LCP2: variants seen among roughly 807,000 people sequenced by gnomAD.
LCP2 encodes lymphocyte cytosolic protein 2.
A neutral mutation model predicts 74.5 loss-of-function variants in LCP2; 29 were observed. The observed-to-expected ratio is 0.39, with a 90% CI of 0.29 to 0.53. LCP2 has a LOEUF of 0.53. Ranked by LOEUF, LCP2 falls within the 20% of genes least tolerant of loss-of-function variation. The pLI is 0.72. For synonymous variants in LCP2, 228 were observed against 229.5 expected (o/e 0.99, Z 0.06); for missense variants, 604 against 634.6 (o/e 0.95, Z 0.52).
intron 3 of LCP2, among the ~76,000 whole-genome samples, chr5:170,283,638 C>T (rs753039540): frequency 1.2e-4 from 19 of 152,286 alleles, no homozygotes; most frequent in Admixed American, 2.0e-4. Flanking sequence ...TTCACTAACA[C>T]TCTCTGGCTC....
intron 1 of LCP2, among the ~76,000 whole-genome samples, chr5:170,295,283 G>A (rs1220280548): frequency 2.6e-5 from 4 of 152,224 alleles, no homozygotes; most frequent in Non-Finnish European, 5.9e-5. Context: ...GAGACAAGAA[G>A]ACGCAAAGTC....
intron 3 of LCP2, among the ~76,000 whole-genome samples, chr5:170,276,355 C>T (rs1762007705): frequency 1.3e-5 from 2 of 152,200 alleles, no homozygotes; most frequent in Non-Finnish European, 2.9e-5. Flanking sequence ...TTTCTTATCA[C>T]AACCTCTAGT....
At chr5:170,259,414 G>A (rs1244365541) in intron 14 of LCP2, among the ~76,000 whole-genome samples, 1 of 152,128 alleles carries the variant, frequency 6.6e-6, no homozygotes, top group Non-Finnish European at 1.5e-5. Context: ...TTTATACGGT[G>A]GCTTACAAGG....
intron 3 of LCP2, among the ~76,000 whole-genome samples, chr5:170,286,598 T>C (rs1581074457): frequency 6.6e-6 from 1 of 152,212 alleles, no homozygotes; most frequent in East Asian, 1.9e-4. Context: ...TTAATTCAAA[T>C]TGAAGTAGCC....
intron 1 of LCP2, among the ~76,000 whole-genome samples, chr5:170,294,280 T>C (rs1367068006): frequency 2.6e-5 from 4 of 152,360 alleles, no homozygotes; most frequent in South Asian, 4.1e-4. Context: ...GATACTATTT[T>C]GCGAACTTTT....
At position 170,256,541 on chromosome 5, in the gene LCP2, G is replaced by A. The variant is rs1331180200; in HGVS notation, c.1135C>T (p.Pro379Ser). The A allele has an allele frequency of 6.2e-7, 1 of 1,613,316 alleles. No homozygotes were observed. Among genetic ancestry groups the A allele is most frequent in the South Asian group, 1.1e-5 (1 of 91,080 alleles). The change falls in exon 17 of 21, where the codon CCA (proline) becomes TCA (serine). Residue 379 changes from proline (P) to serine (S), a missense_variant. Pro to Ser is a moderately conservative substitution (Grantham distance 74). Transcript: ENST00000046794. This position sits in a 1 kb window ranked among gnomAD's most constrained non-coding sequence, Gnocchi z 4.5. ...GAGTACAAACCTTGAGAGAAGTATG[G>A]TGGCAGGGAGGCACTCTGTGGAAAA... ...SSFPQSASLP[P>S]YFSQGPSNRP...
At position 170,262,623 on chromosome 5, in the gene LCP2, C is replaced by T. The variant is rs775993946; in HGVS notation, c.926+12G>A. On this transcript the variant is annotated intron_variant, in intron 13 of 20. Transcript: ENST00000046794. ...CTGTGAGTGACAAGCTCAAGCAACA[C>T]CAGACAATTACTTTGGCACAGGTGG... 1.3e-6 allele frequency: 2 copies of T among 1,595,604 alleles called. No individual in the cohort carries two copies. The highest frequency in any genetic ancestry group is 1.1e-5 in the South Asian group (1 of 90,006).
intron 14 of LCP2, 32 bp downstream of exon 14, chr5:170,261,075 C>A: frequency 6.5e-7 from 1 of 1,543,084 alleles, no homozygotes; most frequent in Non-Finnish European, 9.0e-7. Flanking sequence ...TTCCCTGTAT[C>A]AAGCACTTAC....
At chr5:170,271,770 C>T (rs1250225984) in intron 6 of LCP2, among the ~76,000 whole-genome samples, 1 of 151,814 alleles carries the variant, frequency 6.6e-6, no homozygotes, top group Non-Finnish European at 1.5e-5. Context: ...AGTCAATGAG[C>T]CCAGACCTCA....
chr5:170,257,660 T>A (rs2113158965), intron 16 of LCP2, among the ~76,000 whole-genome samples: 1 of 152,240 alleles, frequency 6.6e-6, no homozygotes, highest in South Asian at 2.1e-4. Flanking sequence ...CGAGGCGCAT[T>A]TTCTCAGTCT....
At chr5:170,266,688 G>A in intron 10 of LCP2, 120 bp downstream of exon 10, 1 of 856,584 alleles carries the variant, frequency 1.2e-6, no homozygotes, top group South Asian at 1.4e-5. Flanking sequence ...GATTCTACTA[G>A]TCTCCACTTC....
At chr5:170,266,009 C>G (rs542484621) in intron 10 of LCP2, among the ~76,000 whole-genome samples, 2 of 152,224 alleles carry the variant, frequency 1.3e-5, no homozygotes, top group East Asian at 3.9e-4. Flanking sequence ...CTTCTTTGAC[C>G]CTTAATTTTA....
intron 2 of LCP2, among the ~76,000 whole-genome samples, chr5:170,289,918 T>C (rs886445946): frequency 2.0e-5 from 3 of 151,942 alleles, no homozygotes; most frequent in African/African-American, 7.3e-5. Flanking sequence ...GGCCACCAGC[T>C]TCTGCTCTGC....
At position 170,266,898 on chromosome 5, in the gene LCP2, G is replaced by T. The variant is rs1046793723; in HGVS notation, c.689-7C>A. 3 of 1,613,536 alleles carry T rather than the reference G, an allele frequency of 1.9e-6. No homozygotes were observed. The highest frequency in any genetic ancestry group is 1.7e-5 in the Admixed American group (1 of 60,000). On this transcript the variant is annotated splice_region_variant and splice_polypyrimidine_tract_variant and intron_variant, in intron 9 of 20. Coordinates refer to ENST00000046794, the MANE Select transcript of LCP2 (RefSeq NM_005565.5). ...TCTATTGAAGGAGCAGGGACTGGAAGGGGAAAAGGCTGACATCAATTAAAA... is the reference window on the plus strand; with the variant it reads ...TCTATTGAAGGAGCAGGGACTGGAATGGGAAAAGGCTGACATCAATTAAAA...
At chr5:170,294,232 T>C (rs986790029) in intron 1 of LCP2, among the ~76,000 whole-genome samples, 3 of 152,244 alleles carry the variant, frequency 2.0e-5, no homozygotes, top group African/African-American at 7.2e-5. Context: ...TTCATTTGTT[T>C]GCAGTACCTC....
At chr5:170,261,407 GTA>G (rs1554139946) in intron 13 of LCP2, among the ~76,000 whole-genome samples, 191 of 146,230 alleles carry the variant, frequency 1.3e-3, no homozygotes, top group Admixed American at 2.5e-3. Flanking sequence ...GTGTGTGTGT[GTA>G]TATATATATA....
intron 17 of LCP2, among the ~76,000 whole-genome samples, chr5:170,254,577 C>T (rs1761516133): frequency 6.6e-6 from 1 of 152,226 alleles, no homozygotes. Flanking sequence ...AGTGCCTAGA[C>T]AGATCTTCCC....
intron 14 of LCP2, 87 bp downstream of exon 14, chr5:170,261,020 G>A (rs1349038785): frequency 1.0e-6 from 1 of 1,004,840 alleles, no homozygotes; most frequent in Non-Finnish European, 1.6e-6. Flanking sequence ...CTGGGCCAAG[G>A]CCAAGGTGGA....
intron 10 of LCP2, among the ~76,000 whole-genome samples, chr5:170,266,039 A>G (rs1241861042): frequency 6.6e-6 from 1 of 152,250 alleles, no homozygotes; most frequent in Non-Finnish European, 1.5e-5. Flanking sequence ...AAGTGAGGTT[A>G]AAAATGCACC....
Sources: allele counts gnomAD v4.1 joint callset (sites outside exome capture counted in the v4.1 genomes callset), GRCh38; gene constraint gnomAD v4.1.1; non-coding constraint Gnocchi (gnomAD v3.1); transcripts MANE v1.5; gene names NCBI Gene and HGNC (gene_info 2026-07-23, HGNC 2026-07-21).